Variants in CDIN1 observed in about 807,000 individuals in gnomAD.
The protein encoded by CDIN1 is CDAN1-interacting nuclease 1.
A neutral mutation model predicts 45.3 loss-of-function variants in CDIN1; 33 were observed. The observed-to-expected ratio is 0.73, with a 90% CI of 0.55 to 0.97. The LOEUF (loss-of-function observed/expected upper bound fraction) is 0.97. Ranked by LOEUF, CDIN1 falls within the 50% of genes least tolerant of loss-of-function variation. The pLI, the probability that CDIN1 is intolerant of heterozygous loss-of-function variation, is 0.00. For synonymous variants in CDIN1, 118 were observed against 124.4 expected, an observed-to-expected ratio of 0.95 and a Z score of 0.34; for missense variants, 303 against 339.4, an observed-to-expected ratio of 0.89 and a Z score of 0.84.
intron 10 of CDIN1, among the ~76,000 whole-genome samples, chr15:36,770,557 C>T (rs1035056204): frequency 1.3e-5 from 2 of 151,924 alleles, no homozygotes; most frequent in Admixed American, 1.3e-4. Context: ...CAAGCAATCC[C>T]CCCACCTCAG....
At chr15:36,786,674 T>A (rs2054499171) in intron 10 of CDIN1, among the ~76,000 whole-genome samples, 1 of 151,406 alleles carries the variant, frequency 6.6e-6, no homozygotes, top group Admixed American at 6.6e-5. Flanking sequence ...TGTCTGCTTT[T>A]ATCTCTGTTC....
chr15:36,786,812 C>T (rs1323921301), intron 10 of CDIN1, among the ~76,000 whole-genome samples: 3 of 152,138 alleles, frequency 2.0e-5, no homozygotes. Flanking sequence ...AGTTGTCAGA[C>T]CCTGCAGAGA....
At chr15:36,591,277 A>G (rs1397680930) in intron 1 of CDIN1, among the ~76,000 whole-genome samples, 5 of 152,228 alleles carry the variant, frequency 3.3e-5, no homozygotes, top group African/African-American at 1.2e-4. Flanking sequence ...AGCTGATATC[A>G]TCCTTTGCTT....
At position 36,721,396 on chromosome 15, in the gene CDIN1, T is replaced by C. The variant is rs544640285; in HGVS notation, c.716+11435T>C. Among the ~76,000 whole-genome samples, 387 of 152,294 alleles carry C rather than the reference T, an allele frequency of 2.5e-3. 1 individual carries two copies. The highest frequency in any genetic ancestry group is 2.8e-3 in the Non-Finnish European group (189 of 68,010). ...TATTGCATTTTCATTTTTATTTGGT[T>C]CCACATACTTTCTACTTTTGATTTC... On this transcript the variant is annotated intron_variant, in intron 10 of 10. Transcript: ENST00000566621.
intron 4 of CDIN1, among the ~76,000 whole-genome samples, chr15:36,656,614 G>A (rs2040793665): frequency 6.6e-6 from 1 of 152,068 alleles, no homozygotes; most frequent in African/African-American, 2.4e-5. Flanking sequence ...TGATTAATAT[G>A]AAAATTAGGG....
chr15:36,736,338 C>T (rs900593240), intron 10 of CDIN1, among the ~76,000 whole-genome samples: 2 of 152,156 alleles, frequency 1.3e-5, no homozygotes, highest in Non-Finnish European at 2.9e-5. Context: ...GATTTACACT[C>T]TACAGCTACT....
At chr15:36,625,419 CAT>C (rs2039382137) in intron 1 of CDIN1, among the ~76,000 whole-genome samples, 1 of 152,138 alleles carries the variant, frequency 6.6e-6, no homozygotes, top group East Asian at 1.9e-4. Context: ...CTTATGATTG[CAT>C]AGAGTTAGTA....
chr15:36,683,103 A>T (rs569940255), intron 5 of CDIN1, among the ~76,000 whole-genome samples: 1 of 152,244 alleles, frequency 6.6e-6, no homozygotes, highest in Admixed American at 6.5e-5. Context: ...TAAAGATTAT[A>T]TATTGTTTAA....
chr15:36,687,439 T>C (rs980996072), intron 5 of CDIN1, among the ~76,000 whole-genome samples: 17 of 152,196 alleles, frequency 1.1e-4, no homozygotes, highest in Middle Eastern at 3.2e-3. Flanking sequence ...ACACTAGTTA[T>C]GTGAGGGAGG....
intron 10 of CDIN1, among the ~76,000 whole-genome samples, chr15:36,713,210 C>A (rs1027667485): frequency 2.6e-5 from 4 of 152,018 alleles, no homozygotes; most frequent in African/African-American, 9.7e-5. Context: ...TATTGAGTGA[C>A]CTTAAATGAC....
At chr15:36,592,129 T>C (rs2037606641) in intron 1 of CDIN1, among the ~76,000 whole-genome samples, 1 of 152,160 alleles carries the variant, frequency 6.6e-6, no homozygotes, top group Admixed American at 6.5e-5. Flanking sequence ...ATGTTGTCAA[T>C]TTGTTTGAAT....
intron 1 of CDIN1, among the ~76,000 whole-genome samples, chr15:36,598,760 C>T (rs1352003893): frequency 6.6e-6 from 1 of 151,988 alleles, no homozygotes; most frequent in East Asian, 1.9e-4. Context: ...CCTCATCTGT[C>T]CATCCCCCAT....
intron 8 of CDIN1, among the ~76,000 whole-genome samples, chr15:36,703,236 GAT>G (rs1301984098): frequency 2.1e-5 from 1 of 47,910 alleles, no homozygotes; most frequent in African/African-American, 1.1e-4. Context: ...ATATATATCA[GAT>G]ATATATATAT....
intron 5 of CDIN1, among the ~76,000 whole-genome samples, chr15:36,664,322 A>T (rs2140499142): frequency 6.6e-6 from 1 of 152,314 alleles, no homozygotes; most frequent in Non-Finnish European, 1.5e-5. Flanking sequence ...TTTTCCAAGC[A>T]ATTTCAAATA....
intron 10 of CDIN1, among the ~76,000 whole-genome samples, chr15:36,751,229 T>TTTATATATATATATATATA (rs568110101): frequency 5.1e-5 from 5 of 97,570 alleles, no homozygotes; most frequent in African/African-American, 2.2e-4. Context: ...TATGCTTATT[T>TTTATATATATATATATATA]TATATATATA....
intron 1 of CDIN1, among the ~76,000 whole-genome samples, chr15:36,606,709 A>G (rs1446397164): frequency 6.6e-6 from 1 of 152,210 alleles, no homozygotes; most frequent in African/African-American, 2.4e-5. Flanking sequence ...CTGTATACCT[A>G]AACTTTATTT....
intron 10 of CDIN1, among the ~76,000 whole-genome samples, chr15:36,776,900 CT>C (rs978631382): frequency 3.3e-5 from 5 of 152,102 alleles, no homozygotes; most frequent in African/African-American, 1.2e-4. Context: ...TGCCAATTCG[CT>C]TTCATTTGGA....
At chr15:36,784,884 G>C (rs558982240) in intron 10 of CDIN1, among the ~76,000 whole-genome samples, 3 of 152,256 alleles carry the variant, frequency 2.0e-5, no homozygotes, top group Non-Finnish European at 4.4e-5. Context: ...AGCTCCACTT[G>C]ATCAAGACAG....
chr15:36,807,750 T>G (rs1422467844), intron 10 of CDIN1, among the ~76,000 whole-genome samples: 1 of 152,188 alleles, frequency 6.6e-6, no homozygotes, highest in African/African-American at 2.4e-5. Context: ...TTAAAGAAGT[T>G]GTAATGCAGA....
Sources: allele counts gnomAD v4.1 joint callset (sites outside exome capture counted in the v4.1 genomes callset), GRCh38; gene constraint gnomAD v4.1.1; transcripts MANE v1.5; gene names NCBI Gene and HGNC (gene_info 2026-07-23, HGNC 2026-07-21).